DENND2A: variants seen among roughly 807,000 people sequenced by gnomAD.
The protein encoded by DENND2A is DENN domain containing 2A, also known as DENN domain-containing protein 2A.
In DENND2A, 53 loss-of-function variants were observed where a neutral mutation model predicts 105.3. That is an observed-to-expected ratio of 0.50 (90% CI 0.40 to 0.63). The LOEUF (loss-of-function observed/expected upper bound fraction) is 0.63. Ranked by LOEUF, DENND2A falls within the 30% of genes least tolerant of loss-of-function variation. The pLI is 0.00. For missense variants in DENND2A, 1,138 were observed against 1,279.6 expected (o/e 0.89, Z 1.69); for synonymous variants, 522 against 508.4 (o/e 1.03, Z -0.36).
In DENND2A at chr7:140,584,110, C is replaced by T. The variant is rs535004302; in HGVS notation, c.1245+1479G>A. ...TACAAAAATTAGCCAGGCGTGGAGG[C>T]GCATGCCTGTAATCCCAGCTACTTG... On this transcript the variant is annotated intron_variant, in intron 5 of 19. Coordinates refer to ENST00000496613, the MANE Select transcript of DENND2A (RefSeq NM_015689.5). Among the ~76,000 whole-genome samples the T allele has an allele frequency of 6.3e-4, 94 of 149,166 alleles. 10 individuals are homozygous for T. The highest frequency in any genetic ancestry group is 2.2e-3 in the African/African-American group (85 of 38,892).
chr7:140,580,330 T>TGTATGCATGTATGC (rs1360581084), intron 5 of DENND2A, among the ~76,000 whole-genome samples: 15 of 90,196 alleles, frequency 1.7e-4, no homozygotes, highest in Non-Finnish European at 3.0e-4. Flanking sequence ...TGCATGTATG[T>TGTATGCATGTATGC]ATGTATTTAT....
intron 3 of DENND2A, among the ~76,000 whole-genome samples, chr7:140,590,807 G>T (rs1798984904): frequency 2.0e-5 from 3 of 151,788 alleles, no homozygotes; most frequent in African/African-American, 7.3e-5. Context: ...AGGAGGCACA[G>T]GTTGCAGTGA....
At chr7:140,608,730 T>C (rs1314035579) in intron 1 of DENND2A, among the ~76,000 whole-genome samples, 2 of 151,868 alleles carry the variant, frequency 1.3e-5, no homozygotes, top group African/African-American at 4.8e-5. Context: ...AATTTGCTAG[T>C]TGGGAGTGCT....
intron 10 of DENND2A, among the ~76,000 whole-genome samples, chr7:140,558,448 C>A (rs928836972): frequency 6.6e-6 from 1 of 152,142 alleles, no homozygotes; most frequent in African/African-American, 2.4e-5. Flanking sequence ...GTAATCCCAG[C>A]CCTTTGGGAG....
intron 12 of DENND2A, among the ~76,000 whole-genome samples, chr7:140,548,084 ATATTTTT>A (rs796415513): frequency 4.1e-4 from 63 of 152,176 alleles, no homozygotes; most frequent in African/African-American, 1.4e-3. Flanking sequence ...TGAACTGTAT[ATATTTTT>A]TATTTTTTAT....
rs769154200 is a variant in DENND2A at position 140,527,459 on chromosome 7, C to G, written c.2364G>C (p.Leu788=). The G allele has an allele frequency of 6.2e-7, 1 of 1,605,860 alleles. No individual in the cohort carries two copies. Among genetic ancestry groups the G allele is most frequent in the Admixed American group, 1.7e-5 (1 of 58,814 alleles). ...TGTGCTGCCAGGCGAAGGGGTAGAT[C>G]AGCGCCACCATCGCGTGGCAGCACT... ...LSKCCHAMVA[L]IYPFAWQHTY... is the part of the protein sequence containing the mutation. The change falls in exon 15 of 20, where the codon CTG becomes CTC. Residue 788 remains leucine, a synonymous_variant. Transcript: ENST00000496613. The surrounding 1 kb of genome is among the most constrained non-coding windows in gnomAD (Gnocchi z 4.9).
chr7:140,536,606 T>C (rs1796464375), intron 14 of DENND2A, among the ~76,000 whole-genome samples: 1 of 152,182 alleles, frequency 6.6e-6, no homozygotes, highest in Non-Finnish European at 1.5e-5. Flanking sequence ...TTGGTGTTCA[T>C]ATGCAAAAAT....
At chr7:140,579,385 T>C (rs936338590) in intron 5 of DENND2A, among the ~76,000 whole-genome samples, 16 of 137,100 alleles carry the variant, frequency 1.2e-4, no homozygotes, top group African/African-American at 4.8e-4. Context: ...TACAATATAA[T>C]GACAAATCTT....
At chr7:140,531,527 G>A (rs1468583493) in intron 14 of DENND2A, among the ~76,000 whole-genome samples, 3 of 152,138 alleles carry the variant, frequency 2.0e-5, no homozygotes, top group Non-Finnish European at 2.9e-5. Context: ...AGCCGGGTGC[G>A]GTGGCTCGTG....
intron 15 of DENND2A, among the ~76,000 whole-genome samples, chr7:140,526,940 T>C (rs1005233963): frequency 6.6e-6 from 1 of 152,134 alleles, no homozygotes; most frequent in Non-Finnish European, 1.5e-5. Flanking sequence ...ATTAAAAACA[T>C]TTGTAACGGA....
intron 1 of DENND2A, among the ~76,000 whole-genome samples, chr7:140,625,314 C>G (rs547317250): frequency 6.6e-6 from 1 of 151,142 alleles, no homozygotes; most frequent in African/African-American, 2.5e-5. Context: ...GACACAGAGG[C>G]TGCAGTGAGC....
intron 5 of DENND2A, among the ~76,000 whole-genome samples, chr7:140,580,700 A>C (rs1027312667): frequency 6.6e-6 from 1 of 152,010 alleles, no homozygotes; most frequent in Admixed American, 6.6e-5. Flanking sequence ...GTAGTGGTGC[A>C]ATCTCAGCTC....
chr7:140,555,705 G>C lies in DENND2A; in HGVS notation c.1968C>G (p.Gly656=). ...AAACTTCAGGAAGGCGCTTCCCTTT[G>C]CCTCCAGGCTTTTCGGAGAGAAACA... ...FGYCRRLLPG[G]KGKRLPEVYC... is the part of the protein sequence containing the mutation. Residue 656 remains glycine, a synonymous_variant, in exon 12 of 20, where the codon GGC becomes GGG. Coordinates refer to ENST00000496613, the MANE Select transcript of DENND2A (RefSeq NM_015689.5). 1.2e-6 allele frequency: 2 copies of C among 1,600,948 alleles called. No individual in the cohort carries two copies. Among genetic ancestry groups the C allele is most frequent in the Non-Finnish European group, 8.5e-7 (1 of 1,176,480 alleles).
chr7:140,627,645 C>T (rs1322193489), intron 1 of DENND2A, among the ~76,000 whole-genome samples: 2 of 152,032 alleles, frequency 1.3e-5, no homozygotes, highest in Non-Finnish European at 2.9e-5. Context: ...CCTCAGCCTC[C>T]CAATTAGCTG....
intron 13 of DENND2A, among the ~76,000 whole-genome samples, chr7:140,546,086 G>A (rs1189730836): frequency 6.6e-6 from 1 of 152,142 alleles, no homozygotes; most frequent in Non-Finnish European, 1.5e-5. Context: ...ACCAAGCCAT[G>A]CAAAGGGGGT....
At position 140,585,646 on chromosome 7, in the gene DENND2A, C is replaced by A. The variant is rs966642659; in HGVS notation, c.1188G>T (p.Lys396Asn). The change falls in exon 5 of 20, where the codon AAG (lysine) becomes AAT (asparagine). Residue 396 changes from lysine (K) to asparagine (N), a missense_variant. Lys to Asn is a moderately conservative substitution (Grantham distance 94, BLOSUM62 0). Around this residue, in one of 2 missense-constraint regions of DENND2A, gnomAD observed 511 missense variants for 499.9 expected, o/e 1.02. Coordinates refer to ENST00000496613, the MANE Select transcript of DENND2A (RefSeq NM_015689.5). The part of the protein sequence containing the change: ...IELHGRCLGK[K>N]CVLNFPASPT... ...GAGAAGCAGGAAAATTCAAGACACA[C>A]TTCTTTCCCAGGCAGCGACCATGTA... 6.2e-7 allele frequency: 1 copy of A among 1,614,076 alleles called. No individual in the cohort carries two copies. Among genetic ancestry groups the A allele is most frequent in the Non-Finnish European group, 8.5e-7 (1 of 1,180,036 alleles).
At chr7:140,624,911 C>T (rs1297411977) in intron 1 of DENND2A, among the ~76,000 whole-genome samples, 2 of 141,588 alleles carry the variant, frequency 1.4e-5, no homozygotes, top group Non-Finnish European at 3.0e-5. Context: ...CTCTCTGTTG[C>T]CAAGGCTGGA....
At chr7:140,558,828 A>C (rs1187444271) in intron 10 of DENND2A, among the ~76,000 whole-genome samples, 1 of 124,456 alleles carries the variant, frequency 8.0e-6, no homozygotes, top group African/African-American at 3.1e-5. Context: ...TTCAAGATGG[A>C]GTCTCACTCG....
intron 14 of DENND2A, among the ~76,000 whole-genome samples, chr7:140,532,670 G>A (rs2130485239): frequency 6.6e-6 from 1 of 152,204 alleles, no homozygotes; most frequent in East Asian, 1.9e-4. Context: ...AGGGAGAGAA[G>A]GGTCCTGCAG....
Sources: gnomAD v4.1 joint callset for allele counts (sites outside exome capture counted in the v4.1 genomes callset) on GRCh38, gnomAD v4.1.1 for gene constraint, gnomAD v4.1.1 regional missense constraint, Gnocchi (gnomAD v3.1) non-coding constraint, MANE v1.5 for transcripts, NCBI Gene and HGNC (gene_info 2026-07-23, HGNC 2026-07-21) for gene names.